Variants in IPMK observed in about 807,000 individuals in gnomAD.
IPMK encodes the protein inositol 1,3,4,6-tetrakisphosphate 5-kinase.
IPMK carries 17 observed loss-of-function variants against 45.8 expected under a neutral mutation model. The observed-to-expected ratio is 0.37, with a 90% CI of 0.25 to 0.56. The LOEUF is 0.56. IPMK is among the 20% of genes least tolerant of loss of function. The pLI, the probability that IPMK is intolerant of heterozygous loss-of-function variation, is 0.79. For synonymous variants in IPMK, 180 were observed against 184.3 expected (o/e 0.98, Z 0.19); for missense variants, 399 against 498.0 (o/e 0.80, Z 1.89).
intron 3 of IPMK, among the ~76,000 whole-genome samples, chr10:58,226,651 G>C (rs944302767): frequency 1.3e-5 from 2 of 152,152 alleles, no homozygotes; most frequent in Non-Finnish European, 2.9e-5. Flanking sequence ...TTAAAGCCTG[G>C]AGGTGAGGGA....
chr10:58,245,172 G>A (rs963156656), intron 1 of IPMK, among the ~76,000 whole-genome samples: 1 of 150,394 alleles, frequency 6.6e-6, no homozygotes, highest in African/African-American at 2.5e-5. Flanking sequence ...AAATAAGCCA[G>A]TGTAACAAAA....
At chr10:58,221,661 T>C (rs1838338273) in intron 3 of IPMK, among the ~76,000 whole-genome samples, 2 of 152,046 alleles carry the variant, frequency 1.3e-5, no homozygotes, top group South Asian at 2.1e-4. Flanking sequence ...TGGGCTAAAG[T>C]GATCCTCTCG....
At chr10:58,238,447 C>T (rs1838647097) in intron 1 of IPMK, among the ~76,000 whole-genome samples, 1 of 152,154 alleles carries the variant, frequency 6.6e-6, no homozygotes, top group East Asian at 1.9e-4. Context: ...TTTATGAAGT[C>T]ATCATATATA....
At chr10:58,229,429 G>A (rs1473960171) in intron 2 of IPMK, among the ~76,000 whole-genome samples, 6 of 151,768 alleles carry the variant, frequency 4.0e-5, no homozygotes, top group Admixed American at 3.3e-4. Flanking sequence ...TGGGCTGGGC[G>A]GCATGCACCT....
intron 4 of IPMK, 46 bp from the exon 5 acceptor site, chr10:58,199,367 C>A: frequency 7.7e-7 from 1 of 1,291,934 alleles, no homozygotes; most frequent in Non-Finnish European, 1.1e-6. Context: ...ACTCCTTGAC[C>A]ATGTGGGGTT....
intron 3 of IPMK, among the ~76,000 whole-genome samples, chr10:58,222,984 T>C (rs1838359598): frequency 1.3e-5 from 2 of 152,140 alleles, no homozygotes; most frequent in African/African-American, 4.8e-5. Context: ...CAATGGACTT[T>C]GGGGATTCCG....
chr10:58,239,172 A>G (rs185447095), intron 1 of IPMK, among the ~76,000 whole-genome samples: 11 of 152,290 alleles, frequency 7.2e-5, no homozygotes, highest in Non-Finnish European at 1.3e-4. Flanking sequence ...TCAAAATTTT[A>G]AAAAGGCCTA....
At chr10:58,232,251 C>T (rs1257096564) in intron 2 of IPMK, among the ~76,000 whole-genome samples, 1 of 152,196 alleles carries the variant, frequency 6.6e-6, no homozygotes, top group Non-Finnish European at 1.5e-5. Context: ...TAACACCCCA[C>T]TGTCAATATT....
At chr10:58,257,898 T>C (rs935825265) in intron 1 of IPMK, among the ~76,000 whole-genome samples, 10 of 152,194 alleles carry the variant, frequency 6.6e-5, no homozygotes, top group African/African-American at 1.9e-4. Context: ...AAATCCTAAA[T>C]AAGTGTGTAC....
At chr10:58,238,603 A>G (rs1319939543) in intron 1 of IPMK, among the ~76,000 whole-genome samples, 1 of 152,228 alleles carries the variant, frequency 6.6e-6, no homozygotes, top group African/African-American at 2.4e-5. Context: ...TCAATTAAAT[A>G]TGCCACTTGA....
Position 58,196,698 on chromosome 10 carries a change from C to A in IPMK, c.629G>T (p.Gly210Val). ...CCCATTATGAAAAAATCTGGAGACT[C>A]CTATAAAAAGAAAAATATGAGCGTT... The part of the protein sequence containing the change: ...RSLTKETIKD[G>V]VSRFFHNGYC... The change falls in exon 6 of 6, where the codon GGA becomes GTA. Residue 210 changes from glycine (G) to valine (V), a missense_variant and splice_region_variant. Physicochemically the swap from Gly to Val is moderately radical, Grantham distance 109. Transcript: ENST00000373935. 1 of 1,549,622 alleles carries A rather than the reference C, an allele frequency of 6.5e-7. No homozygotes were observed. The highest frequency in any genetic ancestry group is 8.7e-7 in the Non-Finnish European group (1 of 1,150,732).
chr10:58,196,702 T>C lies in IPMK; in HGVS notation c.629-4A>G. On this transcript the variant is annotated splice_polypyrimidine_tract_variant and splice_region_variant and intron_variant, in intron 5 of 5. Coordinates refer to ENST00000373935, the MANE Select transcript of IPMK (RefSeq NM_152230.5). Reference sequence around the variant, plus strand: ...TTATGAAAAAATCTGGAGACTCCTATAAAAAGAAAAATATGAGCGTTATAA... The same window carrying C: ...TTATGAAAAAATCTGGAGACTCCTACAAAAAGAAAAATATGAGCGTTATAA... 3 of 1,540,060 alleles carry C rather than the reference T, an allele frequency of 1.9e-6. No individual in the cohort carries two copies. Among genetic ancestry groups the C allele is most frequent in the South Asian group, 1.2e-5 (1 of 81,526 alleles).
intron 1 of IPMK, among the ~76,000 whole-genome samples, chr10:58,265,013 T>C (rs927524139): frequency 6.6e-6 from 1 of 152,218 alleles, no homozygotes; most frequent in East Asian, 1.9e-4. Flanking sequence ...AAAAGATCCG[T>C]GTACTATACA....
At chr10:58,207,582 G>A (rs1487631710) in intron 4 of IPMK, among the ~76,000 whole-genome samples, 1 of 152,142 alleles carries the variant, frequency 6.6e-6, no homozygotes, top group Non-Finnish European at 1.5e-5. Flanking sequence ...TAAGTCCATT[G>A]TTTCTTTGTT....
At chr10:58,227,189 T>C (rs1838431267) in intron 2 of IPMK, 50 bp from the exon 3 acceptor site, 1 of 1,230,968 alleles carries the variant, frequency 8.1e-7, no homozygotes, top group Admixed American at 1.9e-5. Context: ...GCTTTGTAAC[T>C]GCCCTGCACA....
At chr10:58,209,407 G>T (rs976983574) in intron 4 of IPMK, among the ~76,000 whole-genome samples, 7 of 152,314 alleles carry the variant, frequency 4.6e-5, no homozygotes, top group East Asian at 3.9e-4. Context: ...GGAACTCAAG[G>T]CCTGCTGTTC....
chr10:58,197,792 G>A (rs1212390833), intron 5 of IPMK, among the ~76,000 whole-genome samples: 1 of 152,172 alleles, frequency 6.6e-6, no homozygotes. Context: ...CAGCACTTTC[G>A]GAGGCAGAGG....
At chr10:58,208,518 T>C (rs1363062108) in intron 4 of IPMK, among the ~76,000 whole-genome samples, 1 of 152,104 alleles carries the variant, frequency 6.6e-6, no homozygotes, top group Non-Finnish European at 1.5e-5. Context: ...TTACTTTTTC[T>C]CTCTCTCTCT....
chr10:58,221,418 T>TAGTAAAGATTACTAC (rs71685691), intron 3 of IPMK, among the ~76,000 whole-genome samples: 19 of 151,990 alleles, frequency 1.3e-4, no homozygotes, highest in African/African-American at 2.4e-5. Flanking sequence ...AGGTTATAGA[T>TAGTAAAGATTACTAC]AGTAAAGATT....
Sources: allele counts gnomAD v4.1 joint callset (sites outside exome capture counted in the v4.1 genomes callset), GRCh38; gene constraint gnomAD v4.1.1; transcripts MANE v1.5; gene names NCBI Gene and HGNC (gene_info 2026-07-23, HGNC 2026-07-21).